The following PCSK5 variants were observed in gnomAD, a reference collection of about 807,000 sequenced individuals.
PCSK5 encodes the protein proprotein convertase subtilisin/kexin type 5.
A neutral mutation model predicts 233.2 loss-of-function variants in PCSK5; 129 were observed. The observed-to-expected ratio is 0.55, with a 90% CI of 0.48 to 0.64. PCSK5 has a LOEUF of 0.64. Ranked by LOEUF, PCSK5 falls within the 30% of genes least tolerant of loss-of-function variation. The pLI is 0.00. For missense variants in PCSK5, 2,076 were observed against 2,430.1 expected (o/e 0.85, Z 3.06); for synonymous variants, 825 against 879.2 (o/e 0.94, Z 1.09).
At chr9:75,997,875 C>G (rs1439295309) in intron 3 of PCSK5, among the ~76,000 whole-genome samples, 1 of 152,162 alleles carries the variant, frequency 6.6e-6, no homozygotes, top group Non-Finnish European at 1.5e-5. Context: ...TCTTAAACGA[C>G]TATTTGGAAG....
intron 7 of PCSK5, among the ~76,000 whole-genome samples, chr9:76,081,484 C>CAAATAAATAAATAAATAAAT (rs927683255): frequency 2.0e-5 from 3 of 149,570 alleles, no homozygotes; most frequent in African/African-American, 7.4e-5. Flanking sequence ...AACAAACAAA[C>CAAATAAATAAATAAATAAAT]AAATAAATAA....
chr9:76,177,693 G>A (rs1823676759), intron 14 of PCSK5, among the ~76,000 whole-genome samples: 3 of 152,146 alleles, frequency 2.0e-5, no homozygotes, highest in South Asian at 2.1e-4. Context: ...TCATATTTTG[G>A]TAATGTTTCC....
intron 3 of PCSK5, among the ~76,000 whole-genome samples, chr9:76,000,900 T>C (rs1444542927): frequency 6.6e-6 from 1 of 151,880 alleles, no homozygotes; most frequent in Non-Finnish European, 1.5e-5. Flanking sequence ...CAACCTTTTC[T>C]CTGAGACCCT....
chr9:76,236,863 T>C, intron 22 of PCSK5, among the ~76,000 whole-genome samples: 1 of 152,158 alleles, frequency 6.6e-6, no homozygotes, highest in East Asian at 1.9e-4. Flanking sequence ...TCTGGGCCCG[T>C]CGTTGCTAAT....
chr9:76,226,970 A>G (rs1351020211), intron 20 of PCSK5, among the ~76,000 whole-genome samples: 1 of 152,108 alleles, frequency 6.6e-6, no homozygotes, highest in Non-Finnish European at 1.5e-5. Flanking sequence ...CTTCACTATT[A>G]CTCTTTCAGA....
Position 75,987,509 on chromosome 9 carries a change from T to G in PCSK5, c.411+1264T>G, listed in dbSNP as rs1826569193. Among the ~76,000 whole-genome samples the G allele has an allele frequency of 3.3e-5, 5 of 152,312 alleles. No homozygotes were observed. The South Asian group carries it at 1.0e-3, about 32-fold the overall frequency. On this transcript the variant is annotated intron_variant, in intron 3 of 37. Transcript: ENST00000674117. ...ACCCAGCACCTTGTAAGGCTAGGAA[T>G]TTGTGCTTATTTTGAGATGGGTGAA...
In PCSK5 at chr9:76,321,420, A is replaced by C. The variant is rs1201192472; in HGVS notation, c.3885-2A>C. On this transcript the variant is annotated splice_acceptor_variant, in intron 30 of 37. Coordinates refer to ENST00000674117, the MANE Select transcript of PCSK5 (RefSeq NM_001372043.1). LOFTEE classifies it high-confidence loss of function. ...CAGTTGCACTCTGTCTTCCTTCCAC[A>C]GGGGCTCTTATGCAGAAGACGGCAT... 2 of 1,513,644 alleles carry C rather than the reference A, an allele frequency of 1.3e-6. No homozygotes were observed. The highest frequency in any genetic ancestry group is 2.7e-5 in the African/African-American group (2 of 73,164). 93.8% of individuals were successfully genotyped at this position (1,513,644 alleles called of 1,614,324 possible).
At chr9:76,333,949 A>C (rs1044821174) in intron 34 of PCSK5, among the ~76,000 whole-genome samples, 2 of 152,200 alleles carry the variant, frequency 1.3e-5, no homozygotes, top group Admixed American at 1.3e-4. Flanking sequence ...CACGCGGCTG[A>C]TAAAGACATA....
chr9:75,981,121 A>G (rs1469946652), intron 2 of PCSK5, among the ~76,000 whole-genome samples: 1 of 152,226 alleles, frequency 6.6e-6, no homozygotes, highest in Non-Finnish European at 1.5e-5. Flanking sequence ...CATATGATTT[A>G]CTACACTCCT....
At chr9:76,194,753 G>T (rs1319000887) in intron 20 of PCSK5, 1 of 467,298 alleles carries the variant, frequency 2.1e-6, no homozygotes, top group Non-Finnish European at 4.4e-6. Flanking sequence ...TCTCTGTTTA[G>T]GGGAGCCTAG....
intron 24 of PCSK5, among the ~76,000 whole-genome samples, chr9:76,257,299 A>AG (rs1324993655): frequency 6.6e-6 from 1 of 152,114 alleles, no homozygotes; most frequent in Middle Eastern, 3.2e-3. Context: ...CTGGTTGAGG[A>AG]GAAAAAAAAA....
At chr9:76,353,578 G>A (rs867456854) in intron 36 of PCSK5, among the ~76,000 whole-genome samples, 4 of 152,218 alleles carry the variant, frequency 2.6e-5, no homozygotes, top group Admixed American at 2.0e-4. Flanking sequence ...TCGCCACGTG[G>A]GAGTGATGAA....
At chr9:75,901,321 G>A (rs1026545114) in intron 1 of PCSK5, among the ~76,000 whole-genome samples, 2 of 152,152 alleles carry the variant, frequency 1.3e-5, no homozygotes, top group African/African-American at 4.8e-5. Context: ...GTACTTTGCA[G>A]GGATATGGAT....
In PCSK5 at chr9:76,307,420, T is replaced by G. The variant is rs1828735812; in HGVS notation, c.3605-1225T>G. Among the ~76,000 whole-genome samples, 3 of 152,174 alleles carry G rather than the reference T, an allele frequency of 2.0e-5. No individual in the cohort carries two copies. The South Asian group carries it at 6.2e-4, about 32-fold the overall frequency. ...TGAGCTAGAACTTCGTTTTCTAATT[T>G]TTTCCTGTGTGAGCCATGCTGATTT... On this transcript the variant is annotated intron_variant, in intron 28 of 37. Transcript: ENST00000674117.
chr9:76,082,301 T>G (rs984851948), intron 7 of PCSK5, among the ~76,000 whole-genome samples: 2 of 152,232 alleles, frequency 1.3e-5, no homozygotes, highest in African/African-American at 4.8e-5. Context: ...TGGCTTCATC[T>G]TCCCAGTCAG....
chr9:76,062,676 CATA>C (rs1830070803), intron 5 of PCSK5, among the ~76,000 whole-genome samples: 1 of 152,014 alleles, frequency 6.6e-6, no homozygotes, highest in African/African-American at 2.4e-5. Context: ...TTTATTGATA[CATA>C]ATAATTGTAC....
At chr9:76,166,483 A>ACTTCT in intron 12 of PCSK5, among the ~76,000 whole-genome samples, 1 of 152,334 alleles carries the variant, frequency 6.6e-6, no homozygotes, top group Non-Finnish European at 1.5e-5. Flanking sequence ...AAGGGAAGAA[A>ACTTCT]CGTAGGGTCT....
intron 35 of PCSK5, among the ~76,000 whole-genome samples, chr9:76,341,607 G>A (rs1180779505): frequency 6.6e-6 from 1 of 152,098 alleles, no homozygotes; most frequent in Non-Finnish European, 1.5e-5. Context: ...ATCTTTCTTA[G>A]CATTCATTTT....
At position 75,894,732 on chromosome 9, in the gene PCSK5, A is replaced by G. The variant is rs75674945; in HGVS notation, c.192+3359A>G. On this transcript the variant is annotated intron_variant, in intron 1 of 37. Transcript: ENST00000674117. ...GAACCAGCACCTTCTGAGCTGGCCG[A>G]GGGTAGGAGGTGTGCATGCCTATTG... Among the ~76,000 whole-genome samples, 415 of 152,160 alleles carry G rather than the reference A, an allele frequency of 2.7e-3. 2 individuals carry two copies. Among genetic ancestry groups the G allele is most frequent in the African/African-American group, 9.7e-3 (402 of 41,502 alleles).
Sources: allele counts gnomAD v4.1 joint callset (sites outside exome capture counted in the v4.1 genomes callset), GRCh38; gene constraint gnomAD v4.1.1; transcripts MANE v1.5; gene names NCBI Gene and HGNC (gene_info 2026-07-23, HGNC 2026-07-21).